The following ZNF385C variants were observed in gnomAD, a reference collection of about 807,000 sequenced individuals.
The protein encoded by ZNF385C is CTD-2132N18.2.
In ZNF385C, 28 loss-of-function variants were observed where a neutral mutation model predicts 35.4. That is an observed-to-expected ratio of 0.79 (90% CI 0.59 to 1.08). The LOEUF (loss-of-function observed/expected upper bound fraction) is 1.08, where lower values mean the gene tolerates loss of function less well. Ranked by LOEUF, ZNF385C falls within the 50% of genes least tolerant of loss-of-function variation. The pLI, the probability that ZNF385C is intolerant of heterozygous loss-of-function variation, is 0.00. For missense variants in ZNF385C, 605 were observed against 595.6 expected, an observed-to-expected ratio of 1.02 and a Z score of -0.16; for synonymous variants, 248 against 248.2, an observed-to-expected ratio of 1.00 and a Z score of 0.01.
At position 42,037,460 on chromosome 17, in the gene ZNF385C, T is replaced by G. The variant is rs544719460; in HGVS notation, c.399+277A>C. On this transcript the variant is annotated intron_variant, in intron 3 of 8. Transcript: ENST00000692273. ...CGCCTACACAGAAGCTTAAGTGGAA[T>G]GCACAGACTACAGGCCCTTGCAGGC... 5.3e-5 allele frequency among the ~76,000 whole-genome samples: 8 copies of G among 151,204 alleles called. No individual in the cohort carries two copies. The East Asian group carries it at 1.2e-3, about 22-fold the overall frequency.
intron 1 of ZNF385C, among the ~76,000 whole-genome samples, chr17:42,079,631 A>C (rs2053727308): frequency 6.6e-6 from 1 of 151,716 alleles, no homozygotes; most frequent in Non-Finnish European, 1.5e-5. Context: ...GTGATACTGC[A>C]CTCCAGCCTG....
chr17:42,074,296 G>A (rs1198210054), intron 1 of ZNF385C, among the ~76,000 whole-genome samples: 10 of 152,114 alleles, frequency 6.6e-5, no homozygotes, highest in Non-Finnish European at 1.5e-4. Context: ...AATAATAAAT[G>A]CATTTCCACT....
intron 1 of ZNF385C, among the ~76,000 whole-genome samples, chr17:42,081,097 C>T (rs2053743133): frequency 1.3e-5 from 2 of 152,184 alleles, no homozygotes; most frequent in East Asian, 3.8e-4. Flanking sequence ...GCCAGCCTGT[C>T]CACTCTATAC....
At chr17:42,041,393 C>T (rs1021213650) in intron 2 of ZNF385C, among the ~76,000 whole-genome samples, 3 of 152,208 alleles carry the variant, frequency 2.0e-5, no homozygotes, top group Non-Finnish European at 4.4e-5. Flanking sequence ...CTCATCTCTA[C>T]AGCTCCTGGC....
intron 5 of ZNF385C, among the ~76,000 whole-genome samples, chr17:42,029,779 A>T (rs2052686131): frequency 6.6e-6 from 1 of 152,170 alleles, no homozygotes; most frequent in South Asian, 2.1e-4. Context: ...CACGCCTGTG[A>T]TCCCAACACT....
intron 2 of ZNF385C, among the ~76,000 whole-genome samples, chr17:42,041,497 A>G (rs1379217565): frequency 1.3e-5 from 2 of 152,136 alleles, no homozygotes; most frequent in African/African-American, 4.8e-5. Flanking sequence ...CCAGCCCGAA[A>G]TCTTCTCAAA....
At chr17:42,040,741 A>G in intron 2 of ZNF385C, 1 of 1,232,378 alleles carries the variant, frequency 8.1e-7, no homozygotes, top group Non-Finnish European at 1.0e-6. Context: ...CTCAGGGACC[A>G]AGTGGGAACT....
intron 2 of ZNF385C, among the ~76,000 whole-genome samples, chr17:42,054,535 C>A (rs936061403): frequency 1.3e-5 from 2 of 150,724 alleles, no homozygotes; most frequent in African/African-American, 2.4e-5. Context: ...GCTATCTGGG[C>A]GATGCCAGGA....
intron 2 of ZNF385C, among the ~76,000 whole-genome samples, chr17:42,056,594 A>T (rs1008155054): frequency 2.0e-5 from 3 of 151,952 alleles, no homozygotes; most frequent in African/African-American, 7.3e-5. Context: ...AGACCTTGTG[A>T]TATGGTTTGG....
intron 2 of ZNF385C, chr17:42,039,906 C>T: frequency 1.6e-6 from 2 of 1,231,364 alleles, no homozygotes; most frequent in Non-Finnish European, 2.0e-6. Context: ...GGCCAGCGCC[C>T]GCGGGCAGCG....
At position 42,095,162 on chromosome 17, in the gene ZNF385C, A is replaced by T. The variant is rs1259718630; in HGVS notation, c.-3+3248T>A. ...GGCCAACGTGGCAGGCTGTTCCTCA[A>T]ATAGCCCAATCAGAAACAATGAGTG... On this transcript the variant is annotated intron_variant, in intron 1 of 8. Coordinates refer to ENST00000692273, the MANE Select transcript of ZNF385C (RefSeq NM_001392013.1). The surrounding 1 kb of genome is among the most constrained non-coding windows in gnomAD (Gnocchi z 4.4). 6.6e-6 allele frequency among the ~76,000 whole-genome samples: 1 copy of T among 152,166 alleles called. No individual in the cohort carries two copies. Among genetic ancestry groups the T allele is most frequent in the Non-Finnish European group, 1.5e-5 (1 of 68,016 alleles).
chr17:42,040,760 C>G, intron 2 of ZNF385C: 1 of 1,232,378 alleles, frequency 8.1e-7, no homozygotes, highest in Non-Finnish European at 1.0e-6. Context: ...CTAGGGCCAC[C>G]ATGGAGGCGG....
intron 1 of ZNF385C, among the ~76,000 whole-genome samples, chr17:42,066,822 A>G (rs2053553160): frequency 6.6e-6 from 1 of 152,062 alleles, no homozygotes; most frequent in African/African-American, 2.4e-5. Flanking sequence ...TAATCCCAGC[A>G]CTTTGGGAGG....
At chr17:42,051,887 C>T (rs369265975) in intron 2 of ZNF385C, among the ~76,000 whole-genome samples, 5 of 152,172 alleles carry the variant, frequency 3.3e-5, no homozygotes, top group Non-Finnish European at 5.9e-5. Context: ...ACCCCAGCCC[C>T]AGAGCTGCTG....
chr17:42,096,962 A>T, intron 1 of ZNF385C, among the ~76,000 whole-genome samples: 1 of 139,290 alleles, frequency 7.2e-6, no homozygotes, highest in Non-Finnish European at 1.5e-5. Context: ...CACTCTTTCT[A>T]GCCAAGCTTA....
chr17:42,077,794 C>G (rs998300732), intron 1 of ZNF385C, among the ~76,000 whole-genome samples: 15 of 152,078 alleles, frequency 9.9e-5, no homozygotes, highest in African/African-American at 3.4e-4. Flanking sequence ...CCTGTCCCAC[C>G]CCACCCATCA....
At chr17:42,037,988 C>G in intron 2 of ZNF385C, 103 bp from the exon 3 acceptor site, 1 of 1,539,214 alleles carries the variant, frequency 6.5e-7, no homozygotes, top group East Asian at 2.4e-5. Context: ...GGGCAGAAAC[C>G]TGTGTCTCTC....
intron 2 of ZNF385C, chr17:42,038,355 T>G: frequency 2.7e-6 from 1 of 372,700 alleles, no homozygotes; most frequent in Non-Finnish European, 4.8e-6. Context: ...CAGGATTTCA[T>G]GGCCAGGGCT....
intron 1 of ZNF385C, among the ~76,000 whole-genome samples, chr17:42,073,063 C>T (rs543451308): frequency 9.6e-4 from 146 of 152,266 alleles, no homozygotes; most frequent in Non-Finnish European, 1.7e-3. Context: ...CTGCTGGGTG[C>T]CAGGGGGATC....
Sources: gnomAD v4.1 joint callset for allele counts (sites outside exome capture counted in the v4.1 genomes callset) on GRCh38, gnomAD v4.1.1 for gene constraint, Gnocchi (gnomAD v3.1) non-coding constraint, MANE v1.5 for transcripts, NCBI Gene and HGNC (gene_info 2026-07-23, HGNC 2026-07-21) for gene names.